CDC14B: variants seen among roughly 807,000 people sequenced by gnomAD.
The protein encoded by CDC14B is cell division cycle 14B.
Under a neutral mutation model 64.2 loss-of-function variants are expected in CDC14B, and 22 were observed. The observed-to-expected ratio is 0.34, with a 90% confidence interval of 0.24 to 0.49. CDC14B has a LOEUF of 0.49. Among genes scored for constraint, CDC14B ranks in the 20% least tolerant of loss-of-function variants. The pLI is 0.99. For synonymous variants in CDC14B, 191 were observed against 215.8 expected (o/e 0.89, Z 1.01); for missense variants, 498 against 629.9 (o/e 0.79, Z 2.24).
chr9:96,608,830 T>C (rs1301688970), intron 1 of CDC14B, among the ~76,000 whole-genome samples: 1 of 151,968 alleles, frequency 6.6e-6, no homozygotes, highest in East Asian at 1.9e-4. Flanking sequence ...AACATATACT[T>C]ATATATGATC....
At chr9:96,534,271 G>T in intron 8 of CDC14B, 114 bp from the exon 9 acceptor site, 3 of 791,632 alleles carry the variant, frequency 3.8e-6, no homozygotes, top group Non-Finnish European at 6.1e-6. Flanking sequence ...ATACCAATTT[G>T]ATTATAACTG....
At chr9:96,579,713 C>G (rs996449744) in intron 1 of CDC14B, among the ~76,000 whole-genome samples, 4 of 152,132 alleles carry the variant, frequency 2.6e-5, no homozygotes, top group African/African-American at 9.7e-5. Context: ...CAGAAGCCAA[C>G]CCCGCTGGCT....
At chr9:96,530,389 T>C (rs951502784) in intron 9 of CDC14B, among the ~76,000 whole-genome samples, 2 of 151,348 alleles carry the variant, frequency 1.3e-5, no homozygotes, top group Admixed American at 1.3e-4. Context: ...ACCTCCCAGA[T>C]TCACGCAATT....
Position 96,508,815 on chromosome 9 carries a change from T to C in CDC14B, c.1460+858A>G, listed in dbSNP as rs528229055. Reference sequence around the variant, plus strand: ...ACTAATTTCACACTGATAAGGCCCCTAGGCCCAAAGCCTCGGATATACATG... The same window carrying C: ...ACTAATTTCACACTGATAAGGCCCCCAGGCCCAAAGCCTCGGATATACATG... On this transcript the variant is annotated intron_variant, in intron 13 of 13. Coordinates refer to ENST00000375241, the MANE Select transcript of CDC14B (RefSeq NM_033331.4). 1.4e-4 allele frequency among the ~76,000 whole-genome samples: 21 copies of C among 152,320 alleles called. No individual in the cohort carries two copies. In the South Asian group the frequency reaches 3.5e-3, roughly 26 times the overall value.
chr9:96,578,241 T>A (rs1217683945), intron 1 of CDC14B, among the ~76,000 whole-genome samples: 1 of 152,166 alleles, frequency 6.6e-6, no homozygotes, highest in African/African-American at 2.4e-5. Context: ...AGTGATTGAG[T>A]AAGTAAATGG....
intron 6 of CDC14B, 50 bp from the exon 7 acceptor site, chr9:96,539,190 A>G: frequency 7.8e-7 from 1 of 1,275,960 alleles, no homozygotes; most frequent in Non-Finnish European, 1.1e-6. Flanking sequence ...ATAAGAAAAC[A>G]GTTTCCTATC....
At chr9:96,549,880 T>C (rs1841550922) in intron 5 of CDC14B, among the ~76,000 whole-genome samples, 1 of 152,228 alleles carries the variant, frequency 6.6e-6, no homozygotes, top group Non-Finnish European at 1.5e-5. Context: ...GCAATGCTTA[T>C]TCTGTTTTTG....
At chr9:96,537,034 A>G (rs1174625528) in intron 7 of CDC14B, among the ~76,000 whole-genome samples, 1 of 152,184 alleles carries the variant, frequency 6.6e-6, no homozygotes, top group African/African-American at 2.4e-5. Context: ...TTACATCTGT[A>G]ATCCCAGCAC....
chr9:96,509,715 T>G lies in CDC14B; in HGVS notation c.1418A>C (p.Lys473Thr). Reference protein sequence around the residue: ...PNISGSAGITKRTTRSASRKS... With the variant: ...PNISGSAGITTRTTRSASRKS... ...CCTTGAAGCAGATCTGGTGGTTCTT[T>G]TAGTAATGCCTGCACTGCCAGAAAT... is the stretch of plus-strand genomic sequence containing the variant. The change falls in exon 13 of 14, where the codon AAA (lysine) becomes ACA (threonine). Residue 473 changes from lysine to threonine, a missense_variant. Physicochemically the swap from Lys to Thr is moderately conservative, Grantham distance 78. Transcript: ENST00000375241. 1 of 1,613,006 alleles carries G rather than the reference T, an allele frequency of 6.2e-7. No individual in the cohort carries two copies. Among genetic ancestry groups the G allele is most frequent in the Non-Finnish European group, 8.5e-7 (1 of 1,178,990 alleles).
At position 96,600,911 on chromosome 9, in the gene CDC14B, A is replaced by G. The variant is rs577427331; in HGVS notation, c.160+18308T>C. On this transcript the variant is annotated intron_variant, in intron 1 of 13. Coordinates refer to ENST00000375241, the MANE Select transcript of CDC14B (RefSeq NM_033331.4). The stretch of plus-strand genomic sequence containing the variant: ...TACCCAATGTTATGCAAATGAATTT[A>G]TGTACATTTTTCTCAGTAGAGGATA... 3.3e-5 allele frequency among the ~76,000 whole-genome samples: 5 copies of G among 152,338 alleles called. No homozygotes were observed. The South Asian group carries it at 8.3e-4, about 25-fold the overall frequency.
intron 4 of CDC14B, among the ~76,000 whole-genome samples, chr9:96,558,260 C>T (rs1842742397): frequency 6.6e-6 from 1 of 152,086 alleles, no homozygotes; most frequent in Non-Finnish European, 1.5e-5. Context: ...CTATAGTTTA[C>T]AATAACTTAC....
downstream of CDC14B, chr9:96,496,358 C>T (rs1332310314): frequency 5.8e-6 from 3 of 513,386 alleles, no homozygotes; most frequent in African/African-American, 3.9e-5. Flanking sequence ...AGCCAACCAT[C>T]GCTGGAAAAG....
chr9:96,541,588 T>C (rs1564287919), intron 6 of CDC14B, among the ~76,000 whole-genome samples: 1 of 152,224 alleles, frequency 6.6e-6, no homozygotes, highest in South Asian at 2.1e-4. Flanking sequence ...ACTCTTATTT[T>C]CCCTGTTTCT....
intron 1 of CDC14B, among the ~76,000 whole-genome samples, chr9:96,613,477 G>A (rs780593685): frequency 5.9e-5 from 9 of 152,212 alleles, no homozygotes; most frequent in Non-Finnish European, 1.0e-4. Context: ...CAACTACTCT[G>A]TATGTCCACT....
chr9:96,597,503 A>G (rs1588052738), intron 1 of CDC14B, among the ~76,000 whole-genome samples: 1 of 148,214 alleles, frequency 6.7e-6, no homozygotes, highest in African/African-American at 2.5e-5. Flanking sequence ...CCAAAAAAGA[A>G]AAAAAAAAAA....
chr9:96,525,008 T>G (rs1317607747), intron 9 of CDC14B, among the ~76,000 whole-genome samples: 1 of 152,170 alleles, frequency 6.6e-6, no homozygotes, highest in Non-Finnish European at 1.5e-5. Context: ...AGGAAAGTGT[T>G]GAAGATACAA....
intron 1 of CDC14B, among the ~76,000 whole-genome samples, chr9:96,612,749 C>T (rs1226664403): frequency 1.3e-5 from 2 of 152,260 alleles, no homozygotes; most frequent in Admixed American, 6.5e-5. Flanking sequence ...AAAACATAAA[C>T]TCCATGAGAG....
intron 12 of CDC14B, among the ~76,000 whole-genome samples, chr9:96,510,961 C>T (rs1437680126): frequency 6.6e-6 from 1 of 152,198 alleles, no homozygotes; most frequent in Non-Finnish European, 1.5e-5. Context: ...AACACATATA[C>T]ACACATTTAT....
Position 96,543,945 on chromosome 9 carries a change from G to T in CDC14B, c.498-2053C>A, listed in dbSNP as rs10118642. ...AAGATTAGTGTTTTTGAGGCCGGGC[G>T]TGGTGGCTCACGCCTGTAATCCCAG... On this transcript the variant is annotated intron_variant, in intron 5 of 13. Transcript: ENST00000375241. Among the ~76,000 whole-genome samples, 3 of 152,144 alleles carry T rather than the reference G, an allele frequency of 2.0e-5. No homozygotes were observed. The East Asian group carries it at 5.8e-4, about 29-fold the overall frequency.
Sources: allele counts gnomAD v4.1 joint callset (sites outside exome capture counted in the v4.1 genomes callset), GRCh38; gene constraint gnomAD v4.1.1; transcripts MANE v1.5; gene names NCBI Gene and HGNC (gene_info 2026-07-23, HGNC 2026-07-21).